Variants in RYR2 observed in about 807,000 individuals in gnomAD.
RYR2 encodes the protein cardiac muscle ryanodine receptor-calcium release channel.
A neutral mutation model predicts 601.1 loss-of-function variants in RYR2; 227 were observed. The observed-to-expected ratio is 0.38, with a 90% CI of 0.34 to 0.42. RYR2 has a LOEUF of 0.42. RYR2 is among the 10% of genes least tolerant of loss of function. The pLI is 1.00. For missense variants in RYR2, 4,646 were observed against 6,156.5 expected (o/e 0.75, Z 8.21); for synonymous variants, 2,223 against 2,175.1 (o/e 1.02, Z -0.61).
At chr1:237,269,782 A>G (rs1005873216) in intron 1 of RYR2, among the ~76,000 whole-genome samples, 1 of 152,190 alleles carries the variant, frequency 6.6e-6, no homozygotes, top group Non-Finnish European at 1.5e-5. Flanking sequence ...TGCTTGTCCT[A>G]AAGTCCGTGA....
chr1:237,640,264 G>C (rs1681332148), intron 46 of RYR2, among the ~76,000 whole-genome samples: 1 of 152,188 alleles, frequency 6.6e-6, no homozygotes, highest in Non-Finnish European at 1.5e-5. Context: ...AGTTACCAAG[G>C]AGGGAGGATG....
intron 103 of RYR2, among the ~76,000 whole-genome samples, chr1:237,830,950 T>C (rs868398710): frequency 3.3e-5 from 5 of 152,302 alleles, no homozygotes; most frequent in Admixed American, 2.0e-4. Context: ...CCTAGGGAGA[T>C]GCGAGTCTCC....
In RYR2 at chr1:237,795,347, A is replaced by C; in HGVS notation, c.13956+16A>C. On this transcript the variant is annotated intron_variant, in intron 96 of 104. Coordinates refer to ENST00000366574, the MANE Select transcript of RYR2 (RefSeq NM_001035.3). Reference sequence around the variant, plus strand: ...TAAAAGAAAGGTAATATTACTTGGAATCCTCTACATTTTTCTTAAAGCACA... The same window carrying C: ...TAAAAGAAAGGTAATATTACTTGGACTCCTCTACATTTTTCTTAAAGCACA... The C allele has an allele frequency of 7.5e-7, 1 of 1,328,838 alleles. No individual in the cohort carries two copies. The highest frequency in any genetic ancestry group is 1.0e-6 in the Non-Finnish European group (1 of 955,434). 82.3% of individuals were successfully genotyped at this position (1,328,838 alleles called of 1,614,324 possible).
chr1:237,377,665 T>C (rs1005609030), intron 8 of RYR2, among the ~76,000 whole-genome samples: 1 of 152,206 alleles, frequency 6.6e-6, no homozygotes, highest in Non-Finnish European at 1.5e-5. Flanking sequence ...AACCTTGATA[T>C]GCATGTTCAT....
chr1:237,349,431 G>A (rs975154286), intron 3 of RYR2, among the ~76,000 whole-genome samples: 2 of 152,148 alleles, frequency 1.3e-5, no homozygotes, highest in Admixed American at 1.3e-4. Flanking sequence ...AGGAGATGGG[G>A]TTCTTCAGGC....
intron 8 of RYR2, among the ~76,000 whole-genome samples, chr1:237,381,960 C>T (rs1701557403): frequency 6.6e-6 from 1 of 152,020 alleles, no homozygotes; most frequent in Non-Finnish European, 1.5e-5. Flanking sequence ...AAGGCCTTAG[C>T]AAAGCACCTT....
chr1:237,338,167 G>A (rs1056780676), intron 3 of RYR2, among the ~76,000 whole-genome samples: 4 of 152,168 alleles, frequency 2.6e-5, no homozygotes, highest in African/African-American at 9.7e-5. Context: ...CTGAGCTCGA[G>A]TAAGATGTTA....
At chr1:237,220,258 C>G (rs1021714105) in intron 1 of RYR2, among the ~76,000 whole-genome samples, 1 of 152,230 alleles carries the variant, frequency 6.6e-6, no homozygotes, top group Non-Finnish European at 1.5e-5. Context: ...GGAATTCACT[C>G]TCTCTGCTTT....
At chr1:237,736,166 G>C (rs529506174) in intron 79 of RYR2, among the ~76,000 whole-genome samples, 29 of 152,074 alleles carry the variant, frequency 1.9e-4, no homozygotes, top group African/African-American at 6.5e-4. Flanking sequence ...TGGGTTAAAA[G>C]ATAAAAGGAT....
intron 1 of RYR2, among the ~76,000 whole-genome samples, chr1:237,113,106 G>C (rs770148533): frequency 6.6e-6 from 1 of 151,942 alleles, no homozygotes; most frequent in African/African-American, 2.4e-5. Context: ...TCTGAGGTTC[G>C]GTTTTCATAA....
intron 17 of RYR2, among the ~76,000 whole-genome samples, chr1:237,473,364 C>T (rs1052127465): frequency 3.3e-4 from 50 of 151,934 alleles, no homozygotes; most frequent in Non-Finnish European, 2.1e-4. Context: ...GCGGAGGTTG[C>T]GGTGAGCCGA....
rs866841706 is a variant in RYR2 at position 237,565,145 on chromosome 1, C to T, written c.3215-1422C>T. Among the ~76,000 whole-genome samples the T allele has an allele frequency of 3.9e-4, 53 of 135,768 alleles. 2 individuals carry two copies. Among genetic ancestry groups the T allele is most frequent in the Middle Eastern group, 3.8e-3 (1 of 266 alleles). The allele number at this position is 135,768 out of a possible 152,430, so 89.1% of individuals were successfully genotyped here. A position where few individuals can be genotyped will look rare whatever the true frequency, so the allele number is the denominator to read the frequency against. ...TTTCTTTCTTTCTTTCTTTCTTTTT[C>T]TTTCTTTCTTTCTCTTTCTTTCTTT... On this transcript the variant is annotated intron_variant, in intron 27 of 104. Transcript: ENST00000366574.
chr1:237,099,966 C>T (rs1035909339), intron 1 of RYR2, among the ~76,000 whole-genome samples: 4 of 152,196 alleles, frequency 2.6e-5, no homozygotes, highest in South Asian at 2.1e-4. Context: ...GCTCTGCAGC[C>T]GTGCCTTCCA....
At chr1:237,671,307 C>G (rs1000317465) in intron 58 of RYR2, among the ~76,000 whole-genome samples, 1 of 152,160 alleles carries the variant, frequency 6.6e-6, no homozygotes, top group South Asian at 2.1e-4. Flanking sequence ...AGATAGGTTA[C>G]AGACTGTGGC....
At position 237,535,340 on chromosome 1, in the gene RYR2, T is replaced by G. The variant is rs60995269; in HGVS notation, c.2906+4830T>G. Among the ~76,000 whole-genome samples the G allele has an allele frequency of 2.9e-3, 436 of 152,138 alleles. 5 individuals carry two copies. Among genetic ancestry groups the G allele is most frequent in the African/African-American group, 0.01 (420 of 41,536 alleles). ...AATTTTGTTAGCAAACTTAGGAATA[T>G]TTTGAAAAATGTAACAAATGTACAT... On this transcript the variant is annotated intron_variant, in intron 25 of 104. Transcript: ENST00000366574.
intron 1 of RYR2, among the ~76,000 whole-genome samples, chr1:237,128,187 G>A (rs183837755): frequency 1.4e-3 from 202 of 149,408 alleles, no homozygotes; most frequent in African/African-American, 4.4e-3. Context: ...GCTGGAGACC[G>A]GCCTGGCCAA....
chr1:237,493,654 G>A (rs1412055983), intron 19 of RYR2, among the ~76,000 whole-genome samples: 20 of 151,952 alleles, frequency 1.3e-4, no homozygotes, highest in South Asian at 1.2e-3. Flanking sequence ...GGGTTTCACC[G>A]TGTTAGCCAG....
At chr1:237,365,717 A>G (rs1260542152) in intron 5 of RYR2, among the ~76,000 whole-genome samples, 5 of 152,194 alleles carry the variant, frequency 3.3e-5, no homozygotes, top group African/African-American at 9.6e-5. Context: ...CATTTGCTGT[A>G]TTCATTTTAT....
At chr1:237,324,957 G>T (rs917539597) in intron 2 of RYR2, among the ~76,000 whole-genome samples, 2 of 152,158 alleles carry the variant, frequency 1.3e-5, no homozygotes, top group African/African-American at 4.8e-5. Flanking sequence ...TGTCATTAGG[G>T]CTCTAACTGC....
Sources: allele counts gnomAD v4.1 joint callset (sites outside exome capture counted in the v4.1 genomes callset), GRCh38; gene constraint gnomAD v4.1.1; transcripts MANE v1.5; gene names NCBI Gene and HGNC (gene_info 2026-07-23, HGNC 2026-07-21).